The following SMAD9 variants were observed in gnomAD, a reference collection of about 807,000 sequenced individuals.
The protein encoded by SMAD9 is SMAD family member 9.
In SMAD9, 36 loss-of-function variants were observed where a neutral mutation model predicts 46.1. That is an observed-to-expected ratio of 0.78 (90% CI 0.60 to 1.03). The LOEUF is 1.03. Among genes scored for constraint, SMAD9 ranks in the 50% least tolerant of loss-of-function variants. The pLI, the probability that SMAD9 is intolerant of heterozygous loss-of-function variation, is 0.00. For synonymous variants in SMAD9, 245 were observed against 237.1 expected (o/e 1.03, Z -0.31); for missense variants, 572 against 599.8 (o/e 0.95, Z 0.48).
intron 5 of SMAD9, among the ~76,000 whole-genome samples, chr13:36,864,824 G>C (rs1162397355): frequency 6.6e-6 from 1 of 152,174 alleles, no homozygotes; most frequent in Admixed American, 6.5e-5. Context: ...GTGCTGGATG[G>C]AGAGAGAAAA....
chr13:36,886,342 CT>C (rs1317552286), intron 1 of SMAD9, among the ~76,000 whole-genome samples: 5 of 152,270 alleles, frequency 3.3e-5, no homozygotes, highest in Non-Finnish European at 5.9e-5. Flanking sequence ...GAATCCAAGG[CT>C]GGGCCTGAGC....
At chr13:36,866,889 C>T (rs2058240091) in intron 4 of SMAD9, among the ~76,000 whole-genome samples, 1 of 152,098 alleles carries the variant, frequency 6.6e-6, no homozygotes, top group Admixed American at 6.5e-5. Flanking sequence ...TTGTAAAAAC[C>T]TCATTTATGT....
intron 1 of SMAD9, among the ~76,000 whole-genome samples, chr13:36,916,555 GTGAAAAAATGTGTCA>G (rs2058699736): frequency 7.6e-6 from 1 of 131,536 alleles, no homozygotes; most frequent in Non-Finnish European, 1.8e-5. Context: ...CATGGGTTCA[GTGAAAAAATGTGTCA>G]TGTATTTGTT....
chr13:36,906,495 G>A (rs2058621062), intron 1 of SMAD9, among the ~76,000 whole-genome samples: 1 of 151,566 alleles, frequency 6.6e-6, no homozygotes, highest in Admixed American at 6.6e-5. Context: ...AGGAAATTGA[G>A]ACAAAAAAGA....
intron 1 of SMAD9, among the ~76,000 whole-genome samples, chr13:36,915,604 A>C (rs2058692977): frequency 6.6e-6 from 1 of 152,184 alleles, no homozygotes; most frequent in Admixed American, 6.5e-5. Flanking sequence ...GGAATTGGAA[A>C]TTGTCATTAT....
Position 36,879,263 on chromosome 13 carries a change from G to T in SMAD9, c.412+15C>A, listed in dbSNP as rs954075860. On this transcript the variant is annotated intron_variant, in intron 2 of 6. Transcript: ENST00000379826. ...CACTCTGAAAATAAACCTTGACGTC[G>T]TAAAGACGACCCACCTGGAGTCTCC... 2.5e-6 allele frequency: 4 copies of T among 1,612,252 alleles called. No homozygotes were observed. The Admixed American group carries it at 6.7e-5, about 27-fold the overall frequency.
In SMAD9 at chr13:36,903,452, G is replaced by A. The variant is rs1041551791; in HGVS notation, c.-187+16664C>T. Among the ~76,000 whole-genome samples, 52 of 152,142 alleles carry A rather than the reference G, an allele frequency of 3.4e-4. 1 individual carries two copies. Among genetic ancestry groups the A allele is most frequent in the African/African-American group, 1.2e-3 (48 of 41,422 alleles). ...GAGGGGCCATTTCCAGGCTTCAATG[G>A]CAGAGTGAGCAAACAGCAGCAGCTA... On this transcript the variant is annotated intron_variant, in intron 1 of 6. Coordinates refer to ENST00000379826, the MANE Select transcript of SMAD9 (RefSeq NM_001127217.3).
chr13:36,863,358 T>C (rs2058201807), intron 5 of SMAD9, among the ~76,000 whole-genome samples: 1 of 152,228 alleles, frequency 6.6e-6, no homozygotes, highest in Non-Finnish European at 1.5e-5. Flanking sequence ...TGTAACTTTG[T>C]CTTCGGACCA....
intron 1 of SMAD9, among the ~76,000 whole-genome samples, chr13:36,901,225 C>T (rs1490529941): frequency 6.6e-6 from 1 of 152,120 alleles, no homozygotes; most frequent in Non-Finnish European, 1.5e-5. Flanking sequence ...AGTAATTTTA[C>T]TTTTAACTTT....
At chr13:36,877,362 A>G (rs958398747) in intron 2 of SMAD9, among the ~76,000 whole-genome samples, 3 of 152,188 alleles carry the variant, frequency 2.0e-5, no homozygotes, top group Non-Finnish European at 4.4e-5. Context: ...CAAAAAAACA[A>G]AAGACATGAA....
At chr13:36,864,135 A>T (rs939439850) in intron 5 of SMAD9, among the ~76,000 whole-genome samples, 5 of 152,258 alleles carry the variant, frequency 3.3e-5, no homozygotes, top group African/African-American at 1.2e-4. Flanking sequence ...TCTAAAAATC[A>T]TTTGAAAGTA....
intron 1 of SMAD9, among the ~76,000 whole-genome samples, chr13:36,885,858 A>C (rs907306086): frequency 3.9e-5 from 6 of 152,182 alleles, no homozygotes; most frequent in Non-Finnish European, 7.3e-5. Context: ...AGGTTAAAAA[A>C]ACAACAACAC....
At chr13:36,858,506 G>A (rs931040397) in intron 5 of SMAD9, among the ~76,000 whole-genome samples, 9 of 152,204 alleles carry the variant, frequency 5.9e-5, no homozygotes, top group South Asian at 2.1e-4. Context: ...AAGTTTCTCA[G>A]GACAACATGA....
At chr13:36,899,550 G>C (rs1457524594) in intron 1 of SMAD9, among the ~76,000 whole-genome samples, 1 of 152,156 alleles carries the variant, frequency 6.6e-6, no homozygotes, top group African/African-American at 2.4e-5. Context: ...AAATTCAGGA[G>C]GAACTAAATG....
chr13:36,894,772 G>A (rs1057312809), intron 1 of SMAD9, among the ~76,000 whole-genome samples: 20 of 152,038 alleles, frequency 1.3e-4, no homozygotes, highest in African/African-American at 4.6e-4. Flanking sequence ...TCCCAGTGGA[G>A]AACCCCACCT....
Position 36,894,413 on chromosome 13 carries a change from T to A in SMAD9, c.-186-14538A>T, listed in dbSNP as rs546332722. ...TGCCTTCCACCATGATTGTGAGGCC[T>A]CTTCAGCCATGCAGAACTACGAGTC... is the stretch of plus-strand genomic sequence containing the variant. On this transcript the variant is annotated intron_variant, in intron 1 of 6. Coordinates refer to ENST00000379826, the MANE Select transcript of SMAD9 (RefSeq NM_001127217.3). 2.0e-5 allele frequency among the ~76,000 whole-genome samples: 3 copies of A among 152,292 alleles called. No homozygotes were observed. In the South Asian group the frequency reaches 6.2e-4, roughly 32 times the overall value.
At chr13:36,916,375 C>A (rs1304746878) in intron 1 of SMAD9, among the ~76,000 whole-genome samples, 1 of 152,158 alleles carries the variant, frequency 6.6e-6, no homozygotes, top group African/African-American at 2.4e-5. Flanking sequence ...AGAAGCTTTT[C>A]CTGACTGTAA....
chr13:36,859,525 T>G (rs575481592), intron 5 of SMAD9, among the ~76,000 whole-genome samples: 1 of 152,270 alleles, frequency 6.6e-6, no homozygotes, highest in East Asian at 1.9e-4. Context: ...GAGAGTAACC[T>G]CTGGTCATTC....
intron 1 of SMAD9, among the ~76,000 whole-genome samples, chr13:36,884,792 G>A (rs606421): frequency 0.036 from 5,515 of 152,230 alleles, 323 homozygotes; most frequent in African/African-American, 0.13. Flanking sequence ...TAAAAACACC[G>A]TTTGAGATGG....
Sources: gnomAD v4.1 joint callset for allele counts (sites outside exome capture counted in the v4.1 genomes callset) on GRCh38, gnomAD v4.1.1 for gene constraint, MANE v1.5 for transcripts, NCBI Gene and HGNC (gene_info 2026-07-23, HGNC 2026-07-21) for gene names.